ATF6: variants seen among roughly 807,000 people sequenced by gnomAD.
ATF6 encodes cyclic AMP-dependent transcription factor ATF-6 alpha.
ATF6 carries 53 observed loss-of-function variants against 83.6 expected under a neutral mutation model. The ratio of observed to expected loss-of-function variants is 0.63; its 90% CI spans 0.51 to 0.80. The LOEUF (loss-of-function observed/expected upper bound fraction) is 0.80, where lower values mean the gene tolerates loss of function less well. ATF6 is among the 30% of genes least tolerant of loss of function. The pLI is 0.00. For synonymous variants in ATF6, 288 were observed against 285.8 expected (o/e 1.01, Z -0.08); for missense variants, 744 against 797.9 (o/e 0.93, Z 0.81).
chr1:161,879,403 AG>A (rs1330495135), intron 14 of ATF6, among the ~76,000 whole-genome samples: 1 of 152,114 alleles, frequency 6.6e-6, no homozygotes, highest in East Asian at 1.9e-4. Context: ...TGCCAGGTGT[AG>A]AGTTACAGTT....
chr1:161,931,898 G>A (rs1688441282), intron 15 of ATF6, among the ~76,000 whole-genome samples: 2 of 152,080 alleles, frequency 1.3e-5, no homozygotes, highest in Admixed American at 1.3e-4. Context: ...TTGGTTTTCT[G>A]AACATTTTGC....
chr1:161,829,018 G>A (rs1685975517), intron 9 of ATF6, among the ~76,000 whole-genome samples: 1 of 151,994 alleles, frequency 6.6e-6, no homozygotes, highest in Non-Finnish European at 1.5e-5. Flanking sequence ...AACCAGCAGA[G>A]ATCAAAAGAG....
rs186754267 is a variant in ATF6, at chr1:161,928,219, A to G, written c.1804+15839A>G. Among the ~76,000 whole-genome samples the G allele has an allele frequency of 3.3e-3, 499 of 152,324 alleles. 3 individuals carry two copies. The highest frequency in any genetic ancestry group is 2.9e-3 in the Non-Finnish European group (196 of 68,034). On this transcript the variant is annotated intron_variant, in intron 15 of 15. Coordinates refer to ENST00000367942, the MANE Select transcript of ATF6 (RefSeq NM_007348.4). ...TCTGAAAAGCAAGTGCTAACTTTTA[A>G]TAGTGTCTTTAGCCTTTCCCTCAGG...
At chr1:161,779,268 GAA>G (rs1264888635) in intron 2 of ATF6, among the ~76,000 whole-genome samples, 1 of 152,122 alleles carries the variant, frequency 6.6e-6, no homozygotes, top group East Asian at 1.9e-4. Context: ...AATCCTAAAA[GAA>G]AATGTTTCTT....
At chr1:161,928,521 A>C (rs916296129) in intron 15 of ATF6, among the ~76,000 whole-genome samples, 1 of 152,166 alleles carries the variant, frequency 6.6e-6, no homozygotes, top group African/African-American at 2.4e-5. Context: ...AGTTTACCTA[A>C]TTAAAGCACT....
chr1:161,871,562 T>C (rs1050671712), intron 14 of ATF6, among the ~76,000 whole-genome samples: 2 of 151,642 alleles, frequency 1.3e-5, no homozygotes, highest in African/African-American at 4.8e-5. Flanking sequence ...TTTTTTGTAA[T>C]GAGGGAAGAA....
chr1:161,868,655 G>GTT (rs113508615), intron 14 of ATF6, among the ~76,000 whole-genome samples: 107 of 147,654 alleles, frequency 7.2e-4, no homozygotes, highest in East Asian at 2.2e-3. Context: ...CATTTAAAAG[G>GTT]TTTTTTTTTT....
intron 14 of ATF6, among the ~76,000 whole-genome samples, chr1:161,883,781 G>A (rs1346408770): frequency 2.0e-5 from 3 of 151,956 alleles, no homozygotes; most frequent in Admixed American, 6.6e-5. Flanking sequence ...AGGTCGCTAT[G>A]CATTATTTCT....
intron 14 of ATF6, chr1:161,891,530 T>G (rs1353388048): frequency 6.6e-6 from 1 of 152,244 alleles, no homozygotes; most frequent in Non-Finnish European, 1.5e-5. Context: ...ATCGCTGCAC[T>G]GTAGCAGAGG....
intron 9 of ATF6, among the ~76,000 whole-genome samples, chr1:161,831,250 A>G (rs904372927): frequency 3.6e-4 from 55 of 152,250 alleles, no homozygotes; most frequent in African/African-American, 1.1e-3. Flanking sequence ...ATGAGATACC[A>G]TCTCACACCA....
chr1:161,842,358 A>G (rs749570898), intron 9 of ATF6, among the ~76,000 whole-genome samples: 2 of 152,220 alleles, frequency 1.3e-5, no homozygotes, highest in South Asian at 2.1e-4. Flanking sequence ...CAATTCCACT[A>G]CTGGGTTTCT....
At chr1:161,776,324 T>G (rs137968606) in intron 1 of ATF6, among the ~76,000 whole-genome samples, 31 of 152,304 alleles carry the variant, frequency 2.0e-4, no homozygotes, top group African/African-American at 7.5e-4. Context: ...CTGGCATCTT[T>G]GCTGGGCAAT....
intron 12 of ATF6, among the ~76,000 whole-genome samples, chr1:161,855,399 A>G (rs867208486): frequency 6.6e-6 from 1 of 152,208 alleles, no homozygotes; most frequent in African/African-American, 2.4e-5. Flanking sequence ...TACTGAGACC[A>G]GTACTGGGGA....
At chr1:161,816,705 A>G (rs16849542) in intron 7 of ATF6, among the ~76,000 whole-genome samples, 3,014 of 152,316 alleles carry the variant, frequency 0.02, 103 homozygotes, top group African/African-American at 0.07. Flanking sequence ...TTGCATGTCA[A>G]AGGTCATTTT....
At chr1:161,837,359 T>C (rs187841991) in intron 9 of ATF6, among the ~76,000 whole-genome samples, 131 of 152,350 alleles carry the variant, frequency 8.6e-4, no homozygotes, top group African/African-American at 3.0e-3. Context: ...TGGTTCTTAA[T>C]TGATTTATGA....
chr1:161,946,009 G>C (rs530840034), intron 15 of ATF6, among the ~76,000 whole-genome samples: 2 of 151,958 alleles, frequency 1.3e-5, no homozygotes, highest in African/African-American at 2.4e-5. Flanking sequence ...GTTTTGTTTT[G>C]TTTTCTTTTG....
intron 14 of ATF6, among the ~76,000 whole-genome samples, chr1:161,888,115 C>T (rs1687467742): frequency 1.3e-5 from 2 of 152,100 alleles, no homozygotes; most frequent in South Asian, 4.1e-4. Flanking sequence ...TTACATCATA[C>T]CAGAAAAAAG....
intron 14 of ATF6, among the ~76,000 whole-genome samples, chr1:161,889,574 G>A (rs908229848): frequency 6.6e-6 from 1 of 152,208 alleles, no homozygotes; most frequent in Non-Finnish European, 1.5e-5. Flanking sequence ...CATTTCATCA[G>A]ACGTGTATTG....
chr1:161,942,950 G>A (rs1373852716), intron 15 of ATF6, among the ~76,000 whole-genome samples: 2 of 152,166 alleles, frequency 1.3e-5, no homozygotes, highest in Admixed American at 6.5e-5. Flanking sequence ...CCGCCTCCAG[G>A]GTTCAAGTGA....
Sources: allele counts gnomAD v4.1 joint callset (sites outside exome capture counted in the v4.1 genomes callset), GRCh38; gene constraint gnomAD v4.1.1; transcripts MANE v1.5; gene names NCBI Gene and HGNC (gene_info 2026-07-23, HGNC 2026-07-21).